Variants in ATP7A observed in about 807,000 individuals in gnomAD.
The protein encoded by ATP7A is copper-transporting ATPase 1.
A neutral mutation model predicts 83.5 loss-of-function variants in ATP7A; 7 were observed. The observed-to-expected ratio is 0.08, with a 90% CI of 0.05 to 0.16. The LOEUF is 0.16. Ranked by LOEUF, ATP7A falls within the 10% of genes least tolerant of loss-of-function variation. ATP7A has a pLI of 1.00. For synonymous variants in ATP7A, 354 were observed against 395.2 expected, an observed-to-expected ratio of 0.90 and a Z score of 1.24; for missense variants, 940 against 1,120.8, an observed-to-expected ratio of 0.84 and a Z score of 2.30.
rs1353709841 is a variant in ATP7A, at chrX:77,983,778, G to A, written c.121-4464G>A. Among the ~76,000 whole-genome samples the A allele has an allele frequency of 5.4e-5, 6 of 110,285 alleles. No individual in the cohort carries two copies. In the East Asian group the frequency reaches 1.4e-3, roughly 26 times the overall value. On this transcript the variant is annotated intron_variant, in intron 2 of 22. Coordinates refer to ENST00000341514, the MANE Select transcript of ATP7A (RefSeq NM_000052.7). ...TGCAGTGGCACGACCTCCGCCTCCC[G>A]GGTTCAAGCGATTCTTGTGCCTCAG...
At chrX:77,926,475 C>T (rs1439211215) in intron 1 of ATP7A, among the ~76,000 whole-genome samples, 3 of 108,947 alleles carry the variant, frequency 2.8e-5, no homozygotes, top group Non-Finnish European at 5.7e-5. Flanking sequence ...GGGCAACAGG[C>T]GTCCACCACC....
At chrX:78,028,895 G>C (rs1216910665) in intron 14 of ATP7A, among the ~76,000 whole-genome samples, 2 of 111,929 alleles carry the variant, frequency 1.8e-5, no homozygotes, top group African/African-American at 6.5e-5. Flanking sequence ...GCAGAATTAT[G>C]GTTTTACTCT....
chrX:77,974,489 T>A (rs181246931), intron 2 of ATP7A, among the ~76,000 whole-genome samples: 4 of 111,264 alleles, frequency 3.6e-5, no homozygotes, highest in Admixed American at 1.9e-4. Context: ...CTTTTTTTTT[T>A]CCCTTGTATT....
At chrX:77,985,440 A>G (rs2077630378) in intron 2 of ATP7A, among the ~76,000 whole-genome samples, 1 of 110,783 alleles carries the variant, frequency 9.0e-6, no homozygotes, top group Non-Finnish European at 1.9e-5. Flanking sequence ...ACCGGATACA[A>G]CGTATTTAAA....
At chrX:78,011,050 G>C (rs781929537) in intron 7 of ATP7A, 126 bp from the exon 8 acceptor site, 4 of 540,150 alleles carry the variant, frequency 7.4e-6, no homozygotes, top group African/African-American at 4.6e-5. Context: ...CTTCATCTTT[G>C]TATTCCCCAG....
chrX:77,951,615 T>C (rs1473143953), intron 1 of ATP7A, among the ~76,000 whole-genome samples: 3 of 108,663 alleles, frequency 2.8e-5, no homozygotes, highest in Non-Finnish European at 5.7e-5. Flanking sequence ...AGTCTCGCTC[T>C]GTCACCCAGG....
chrX:78,017,765 C>CTTTTTTTTTTTT (rs1176316040), intron 12 of ATP7A, among the ~76,000 whole-genome samples: 170 of 45,846 alleles, frequency 3.7e-3, no homozygotes, highest in Non-Finnish European at 4.7e-3. Context: ...TTTCTTGTTT[C>CTTTTTTTTTTTT]TTTTTTTTTT....
intron 1 of ATP7A, chrX:77,969,578 G>A (rs199995586): frequency 8.3e-6 from 10 of 1,210,491 alleles, no homozygotes; most frequent in African/African-American, 5.2e-5. Flanking sequence ...CAGCTGAAGC[G>A]GTTCTCCAGG....
At chrX:77,928,068 C>T (rs1282829961) in intron 1 of ATP7A, among the ~76,000 whole-genome samples, 5 of 110,386 alleles carry the variant, frequency 4.5e-5, no homozygotes, top group African/African-American at 1.6e-4. Context: ...CTCAAGTGAT[C>T]CTCCTACCTC....
intron 17 of ATP7A, among the ~76,000 whole-genome samples, chrX:78,035,824 ATC>A (rs1303474123): frequency 8.9e-6 from 1 of 111,907 alleles, no homozygotes; most frequent in Non-Finnish European, 1.9e-5. Flanking sequence ...CCCAGCTTAT[ATC>A]TCTCTCTTCA....
intron 7 of ATP7A, 36 bp downstream of exon 7, chrX:78,009,299 C>T (rs370608756): frequency 8.5e-7 from 1 of 1,179,133 alleles, no homozygotes; most frequent in Non-Finnish European, 1.2e-6. Flanking sequence ...GTGTTCTTAC[C>T]TATTTAATCA....
At chrX:77,956,249 C>T (rs2077440490) in intron 1 of ATP7A, among the ~76,000 whole-genome samples, 1 of 111,850 alleles carries the variant, frequency 8.9e-6, no homozygotes, top group African/African-American at 3.2e-5. Flanking sequence ...TACTAATTTA[C>T]AATCCCACCA....
chrX:78,002,534 A>T (rs1459983324), intron 5 of ATP7A, among the ~76,000 whole-genome samples: 1 of 111,778 alleles, frequency 8.9e-6, no homozygotes, highest in Non-Finnish European at 1.9e-5. Context: ...AGACAATTTT[A>T]AAAATGTGAA....
At chrX:77,947,107 G>A (rs2077384434) in intron 1 of ATP7A, among the ~76,000 whole-genome samples, 1 of 111,881 alleles carries the variant, frequency 8.9e-6, no homozygotes, top group South Asian at 3.7e-4. Context: ...TCTGACACAT[G>A]ATACTACATG....
chrX:77,954,243 G>A (rs1177907542), intron 1 of ATP7A, among the ~76,000 whole-genome samples: 3 of 111,790 alleles, frequency 2.7e-5, no homozygotes, highest in Admixed American at 9.5e-5. Flanking sequence ...GGGTTCAAGC[G>A]ATTCTTCTGC....
At chrX:78,010,570 CTTTTT>C (rs5902761) in intron 7 of ATP7A, among the ~76,000 whole-genome samples, 1 of 51,589 alleles carries the variant, frequency 1.9e-5, no homozygotes, top group Admixed American at 2.8e-4. Flanking sequence ...ATGGTGCTAG[CTTTTT>C]TTTTTTTTTT....
At chrX:77,933,682 G>A (rs2077302640) in intron 1 of ATP7A, among the ~76,000 whole-genome samples, 1 of 111,791 alleles carries the variant, frequency 8.9e-6, no homozygotes, top group African/African-American at 3.3e-5. Context: ...AAATAATTTT[G>A]TGCATGAAAC....
At chrX:77,931,843 G>A (rs1201503022) in intron 1 of ATP7A, among the ~76,000 whole-genome samples, 58 of 97,588 alleles carry the variant, frequency 5.9e-4, no homozygotes, top group South Asian at 1.0e-3. Flanking sequence ...CCTCCCTCCC[G>A]GACGGGGCGG....
intron 12 of ATP7A, among the ~76,000 whole-genome samples, chrX:78,018,665 G>A (rs1557235430): frequency 8.9e-6 from 1 of 111,836 alleles, no homozygotes; most frequent in Non-Finnish European, 1.9e-5. Flanking sequence ...TATCTTTATA[G>A]CAGTGTCCTA....
Sources: allele counts gnomAD v4.1 joint callset (sites outside exome capture counted in the v4.1 genomes callset), GRCh38; gene constraint gnomAD v4.1.1; transcripts MANE v1.5; gene names NCBI Gene and HGNC (gene_info 2026-07-23, HGNC 2026-07-21).